ABCB4: variants seen among roughly 807,000 people sequenced by gnomAD.
ABCB4 encodes the protein ATP binding cassette subfamily B member 4, also known as phosphatidylcholine translocator ABCB4.
A neutral mutation model predicts 145.7 loss-of-function variants in ABCB4; 76 were observed. The ratio of observed to expected loss-of-function variants is 0.52; its 90% CI spans 0.43 to 0.63. The LOEUF is 0.63. ABCB4 is among the 30% of genes least tolerant of loss of function. The pLI, the probability that ABCB4 is intolerant of heterozygous loss-of-function variation, is 0.00. For missense variants in ABCB4, 1,234 were observed against 1,553.1 expected (o/e 0.79, Z 3.45); for synonymous variants, 517 against 566.8 (o/e 0.91, Z 1.25).
In ABCB4 at chr7:87,443,361, C is replaced by T. The variant is rs45624933; in HGVS notation, c.1314G>A (p.Thr438=). The T allele has an allele frequency of 4.9e-3, 7,970 of 1,614,046 alleles. 25 individuals are homozygous for T. Among genetic ancestry groups the T allele is most frequent in the Non-Finnish European group, 5.3e-3 (6,283 of 1,180,002 alleles). The change falls in exon 12 of 28, where the codon ACG becomes ACA. Residue 438 remains threonine (T), a synonymous_variant. Transcript: ENST00000649586. ...CATAGAGCCTCTGTATCAGCTGGACCGTTGTGCTCTTCCCACAGCCACTAC... is the reference window on the plus strand; with the variant it reads ...CATAGAGCCTCTGTATCAGCTGGACTGTTGTGCTCTTCCCACAGCCACTAC... The part of the protein sequence containing the change: ...VGSSGCGKST[T]VQLIQRLYDP...
chr7:87,446,378 T>C (rs1811344129), intron 9 of ABCB4, among the ~76,000 whole-genome samples: 1 of 152,176 alleles, frequency 6.6e-6, no homozygotes, highest in South Asian at 2.1e-4. Flanking sequence ...CAAAAAGATA[T>C]ACATAGTATG....
chr7:87,377,174 C>T, the ABCB4 span, among the ~76,000 whole-genome samples: 16 of 152,072 alleles, frequency 1.1e-4, no homozygotes, highest in Non-Finnish European at 2.4e-4. Flanking sequence ...GCCAGAATTA[C>T]TCTCTCTTGA....
At chr7:87,414,715 G>A (rs373689451) in intron 21 of ABCB4, among the ~76,000 whole-genome samples, 3 of 152,108 alleles carry the variant, frequency 2.0e-5, no homozygotes, top group African/African-American at 7.2e-5. Flanking sequence ...GCAATGAGCT[G>A]AAAGGAAGAT....
chr7:87,403,399 AAC>A, intron 26 of ABCB4, 118 bp from the exon 27 acceptor site: 2 of 954,208 alleles, frequency 2.1e-6, no homozygotes, highest in African/African-American at 1.6e-5. Context: ...GTTTCAACTT[AAC>A]AGAGTGTTTA....
At chr7:87,443,174 GAA>G in intron 12 of ABCB4, 143 bp downstream of exon 12, 1 of 1,005,006 alleles carries the variant, frequency 1.0e-6, no homozygotes, top group Admixed American at 1.7e-5. Flanking sequence ...CCAAGGGTGT[GAA>G]GGCATTATCC....
At chr7:87,375,480 T>A in the ABCB4 span, 2,338 of 565,718 alleles carry the variant, frequency 4.1e-3, 83 homozygotes, top group East Asian at 0.06. Flanking sequence ...TAAAAAAATA[T>A]GTGATGTAGG....
At position 87,405,275 on chromosome 7, in the gene ABCB4, A is replaced by G. The variant is rs116281372; in HGVS notation, c.3486+1013T>C. ...AAGTTTACATACTGTATATATTTTT[A>G]TAAAACATTTTTAAAATATAAAATT... On this transcript the variant is annotated intron_variant, in intron 26 of 27. Coordinates refer to ENST00000649586, the MANE Select transcript of ABCB4 (RefSeq NM_000443.4). Among the ~76,000 whole-genome samples, 820 of 152,350 alleles carry G rather than the reference A, an allele frequency of 5.4e-3. 4 individuals are homozygous for G. The highest frequency in any genetic ancestry group is 0.019 in the African/African-American group (792 of 41,580).
At chr7:87,388,115 C>A in the ABCB4 span, among the ~76,000 whole-genome samples, 2 of 152,104 alleles carry the variant, frequency 1.3e-5, no homozygotes, top group African/African-American at 4.8e-5. Context: ...AGGCCTGGAG[C>A]CAAGACTCCA....
At chr7:87,397,014 G>A (rs762979981), downstream of ABCB4, among the ~76,000 whole-genome samples, 7 of 151,844 alleles carry the variant, frequency 4.6e-5, no homozygotes, top group Non-Finnish European at 8.8e-5. Context: ...GGTTATAAAC[G>A]TATCCTTTCT....
intron 22 of ABCB4, 107 bp from the exon 23 acceptor site, chr7:87,412,140 C>T (rs1344851442): frequency 7.8e-6 from 9 of 1,161,184 alleles, no homozygotes; most frequent in African/African-American, 1.5e-5. Flanking sequence ...TTAAGTTCCA[C>T]CTCCAGTTAT....
downstream of ABCB4, chr7:87,398,416 C>T (rs553848130): frequency 1.3e-4 from 172 of 1,354,590 alleles, no homozygotes; most frequent in Middle Eastern, 1.1e-3. Flanking sequence ...GTCAGCAAGA[C>T]TTCACATTTC....
chr7:87,443,573 A>G (rs369366913), intron 11 of ABCB4, 90 bp downstream of exon 11: 27 of 1,524,356 alleles, frequency 1.8e-5, no homozygotes, highest in East Asian at 2.3e-5. Flanking sequence ...GAAAAGGCAC[A>G]TAAGTATCAA....
intron 14 of ABCB4, among the ~76,000 whole-genome samples, chr7:87,437,681 C>T (rs183996790): frequency 6.6e-6 from 1 of 152,184 alleles, no homozygotes; most frequent in African/African-American, 2.4e-5. Flanking sequence ...TCCCCTCTTC[C>T]CCTATTACTT....
In ABCB4 at chr7:87,426,896, C is replaced by G; in HGVS notation, c.1918G>C (p.Glu640Gln). 1 of 1,613,500 alleles carries G rather than the reference C, an allele frequency of 6.2e-7. No homozygotes were observed. The highest frequency in any genetic ancestry group is 8.5e-7 in the Non-Finnish European group (1 of 1,179,926). Residue 640 changes from glutamate (E) to glutamine (Q), a missense_variant, in exon 16 of 28, where the codon GAA becomes CAA. By Grantham distance (29) the Glu-to-Gln change is conservative. Coordinates refer to ENST00000649586, the MANE Select transcript of ABCB4 (RefSeq NM_000443.4). ...TTTTCATCATTTAGTTCAAATTCTT[C>G]TGACTGGATCTGGCTTCCTGATGTC... ...MQTSGSQIQS[E>Q]EFELNDEKAA...
chr7:87,412,321 A>G (rs938181369), intron 22 of ABCB4, among the ~76,000 whole-genome samples: 2 of 152,220 alleles, frequency 1.3e-5, no homozygotes, highest in South Asian at 2.1e-4. Flanking sequence ...GATGACTCCA[A>G]TGTTCAACTC....
At chr7:87,472,231 G>C (rs529933274) in intron 3 of ABCB4, among the ~76,000 whole-genome samples, 1 of 152,068 alleles carries the variant, frequency 6.6e-6, no homozygotes, top group African/African-American at 2.4e-5. Flanking sequence ...TGTTGTCGTT[G>C]TTTTTGAGAC....
chr7:87,380,307 G>A, the ABCB4 span, among the ~76,000 whole-genome samples: 54 of 151,706 alleles, frequency 3.6e-4, no homozygotes, highest in African/African-American at 1.2e-3. Context: ...TTTATTGTAA[G>A]GCTTTGCAGA....
At chr7:87,407,302 T>C (rs1438392909) in intron 25 of ABCB4, among the ~76,000 whole-genome samples, 1 of 152,224 alleles carries the variant, frequency 6.6e-6, no homozygotes, top group East Asian at 1.9e-4. Flanking sequence ...GGTTTGCCTA[T>C]GTTACCTGCA....
intron 25 of ABCB4, among the ~76,000 whole-genome samples, chr7:87,407,145 G>A (rs1425919185): frequency 6.6e-6 from 1 of 152,184 alleles, no homozygotes; most frequent in Non-Finnish European, 1.5e-5. Context: ...GGGAAGTGTT[G>A]TAATATGTAC....
Sources: allele counts gnomAD v4.1 joint callset (sites outside exome capture counted in the v4.1 genomes callset), GRCh38; gene constraint gnomAD v4.1.1; transcripts MANE v1.5; gene names NCBI Gene and HGNC (gene_info 2026-07-23, HGNC 2026-07-21).